Variants in BABAM2 observed in about 807,000 individuals in gnomAD.
The protein encoded by BABAM2 is BRISC and BRCA1 A complex member 2, also known as BRISC and BRCA1-A complex member 2.
BABAM2 carries 31 observed loss-of-function variants against 54.7 expected under a neutral mutation model. That is an observed-to-expected ratio of 0.57 (90% CI 0.43 to 0.77). The LOEUF is 0.77. BABAM2 is among the 30% of genes least tolerant of loss of function. The pLI is 0.00. For synonymous variants in BABAM2, 167 were observed against 162.9 expected (o/e 1.03, Z -0.19); for missense variants, 364 against 455.8 (o/e 0.80, Z 1.83).
intron 5 of BABAM2, among the ~76,000 whole-genome samples, chr2:28,044,227 C>T (rs1253092123): frequency 6.6e-6 from 1 of 151,960 alleles, no homozygotes; most frequent in Non-Finnish European, 1.5e-5. Context: ...AAATTAGGGC[C>T]ATAACCTTTT....
chr2:28,126,945 T>G (rs1480146257), intron 6 of BABAM2, among the ~76,000 whole-genome samples: 2 of 150,026 alleles, frequency 1.3e-5, no homozygotes, highest in Non-Finnish European at 3.0e-5. Flanking sequence ...TGTCTTCTTT[T>G]GAGAAGTGTC....
intron 10 of BABAM2, among the ~76,000 whole-genome samples, chr2:28,268,400 A>C (rs1330390537): frequency 6.6e-6 from 1 of 152,182 alleles, no homozygotes; most frequent in Non-Finnish European, 1.5e-5. Flanking sequence ...AGGGATGGCA[A>C]GGTCGCTTCA....
Position 28,138,439 on chromosome 2 carries a change from C to T in BABAM2, c.680+9059C>T, listed in dbSNP as rs143001592. ...TCTAATGAGAGCCATAGACTTCACC[C>T]TAGAAAAATATATATGCATAAAAAG... On this transcript the variant is annotated intron_variant, in intron 7 of 11. Transcript: ENST00000379624. Among the ~76,000 whole-genome samples, 582 of 152,172 alleles carry T rather than the reference C, an allele frequency of 3.8e-3. 7 individuals are homozygous for T. The highest frequency in any genetic ancestry group is 0.013 in the African/African-American group (550 of 41,516).
At chr2:27,907,452 AAATTTTTGTGATTCAGT>A (rs1471251391) in intron 2 of BABAM2, among the ~76,000 whole-genome samples, 1 of 152,004 alleles carries the variant, frequency 6.6e-6, no homozygotes, top group East Asian at 1.9e-4. Context: ...CATTATTTTA[AAATTTTTGTGATTCAGT>A]AATTAACATG....
At chr2:28,248,222 T>TC (rs1683086751) in intron 10 of BABAM2, among the ~76,000 whole-genome samples, 1 of 141,026 alleles carries the variant, frequency 7.1e-6, no homozygotes, top group African/African-American at 2.6e-5. Context: ...TTTTTTTTTT[T>TC]TTTTGAGACG....
At chr2:27,894,189 C>T (rs914183134) in intron 1 of BABAM2, among the ~76,000 whole-genome samples, 23 of 151,988 alleles carry the variant, frequency 1.5e-4, no homozygotes, top group Admixed American at 8.5e-4. Flanking sequence ...GGATTGTTAG[C>T]GAGGGCTCCT....
chr2:28,313,349 A>T (rs903265385), intron 11 of BABAM2, among the ~76,000 whole-genome samples: 2 of 152,286 alleles, frequency 1.3e-5, no homozygotes, highest in Non-Finnish European at 2.9e-5. Flanking sequence ...CCAAAGCAGC[A>T]GGGAGGCTGC....
chr2:28,318,114 C>T (rs1208766809), intron 11 of BABAM2, among the ~76,000 whole-genome samples: 1 of 152,172 alleles, frequency 6.6e-6, no homozygotes, highest in Non-Finnish European at 1.5e-5. Context: ...CCTTGGTGGC[C>T]CTGAGGCCGG....
chr2:28,034,744 T>A (rs1676542778), intron 5 of BABAM2, among the ~76,000 whole-genome samples: 1 of 152,092 alleles, frequency 6.6e-6, no homozygotes, highest in Non-Finnish European at 1.5e-5. Flanking sequence ...GTTTAGACAG[T>A]TTTTGGAGGA....
At chr2:28,309,804 T>C in intron 11 of BABAM2, 2 of 339,656 alleles carry the variant, frequency 5.9e-6, no homozygotes, top group Admixed American at 4.3e-5. Flanking sequence ...GATGAGGGAG[T>C]TTTCCAGGCC....
chr2:28,321,143 T>G (rs115898822), intron 11 of BABAM2, among the ~76,000 whole-genome samples: 2,336 of 152,138 alleles, frequency 0.015, 67 homozygotes, highest in African/African-American at 0.053. Flanking sequence ...TGTCCGTAGC[T>G]GTATGATGGC....
intron 9 of BABAM2, among the ~76,000 whole-genome samples, chr2:28,243,202 A>G (rs1682600388): frequency 6.6e-6 from 1 of 152,172 alleles, no homozygotes; most frequent in African/African-American, 2.4e-5. Flanking sequence ...TCTGAAAAGT[A>G]TTGATATCAG....
intron 10 of BABAM2, among the ~76,000 whole-genome samples, chr2:28,294,394 A>G (rs1242641130): frequency 6.6e-6 from 1 of 151,720 alleles, no homozygotes; most frequent in Admixed American, 6.6e-5. Flanking sequence ...AAAAAAAAAA[A>G]GGAAAGAAAG....
chr2:28,095,958 G>C (rs947701213), intron 6 of BABAM2, among the ~76,000 whole-genome samples: 1 of 152,156 alleles, frequency 6.6e-6, no homozygotes, highest in Non-Finnish European at 1.5e-5. Flanking sequence ...TGAGAAATCT[G>C]AGGACCAGGG....
At chr2:28,094,528 G>A (rs1666431751) in intron 6 of BABAM2, among the ~76,000 whole-genome samples, 1 of 151,800 alleles carries the variant, frequency 6.6e-6, no homozygotes, top group Non-Finnish European at 1.5e-5. Context: ...AGTTAAATGT[G>A]GATTGTTATA....
intron 2 of BABAM2, among the ~76,000 whole-genome samples, chr2:27,900,032 A>G (rs1297528581): frequency 1.3e-5 from 2 of 152,222 alleles, no homozygotes; most frequent in African/African-American, 2.4e-5. Context: ...CCGAAGTGTG[A>G]ATTTCTCGTT....
chr2:28,287,785 G>GGT (rs1686948074), intron 10 of BABAM2, among the ~76,000 whole-genome samples: 1 of 152,200 alleles, frequency 6.6e-6, no homozygotes, highest in African/African-American at 2.4e-5. Flanking sequence ...GATCCAAGTA[G>GGT]GTGGTATATC....
At chr2:28,044,360 G>T (rs1202129878) in intron 5 of BABAM2, among the ~76,000 whole-genome samples, 2 of 152,126 alleles carry the variant, frequency 1.3e-5, no homozygotes, top group Non-Finnish European at 2.9e-5. Flanking sequence ...CTCCCGAGTA[G>T]CTGGGACTAC....
In BABAM2 at chr2:28,304,307, C is replaced by T. The variant is rs1426221668; in HGVS notation, c.1088+5816C>T. Reference sequence around the variant, plus strand: ...CTGACTTCAGGTGATCCACCCGCCTCGGCCTCCCAAAGTGCTGGCATTACA... The same window carrying T: ...CTGACTTCAGGTGATCCACCCGCCTTGGCCTCCCAAAGTGCTGGCATTACA... On this transcript the variant is annotated intron_variant, in intron 11 of 11. Transcript: ENST00000379624. The surrounding 1 kb of genome is among the most constrained non-coding windows in gnomAD (Gnocchi z 4.0). Among the ~76,000 whole-genome samples, 3 of 151,848 alleles carry T rather than the reference C, an allele frequency of 2.0e-5. No individual in the cohort carries two copies. Among genetic ancestry groups the T allele is most frequent in the East Asian group, 1.9e-4 (1 of 5,180 alleles).
Sources: gnomAD v4.1 joint callset for allele counts (sites outside exome capture counted in the v4.1 genomes callset) on GRCh38, gnomAD v4.1.1 for gene constraint, Gnocchi (gnomAD v3.1) non-coding constraint, MANE v1.5 for transcripts, NCBI Gene and HGNC (gene_info 2026-07-23, HGNC 2026-07-21) for gene names.